The following EFR3A variants were observed in gnomAD, a reference collection of about 807,000 sequenced individuals.
EFR3A encodes the protein protein EFR3 homolog A.
Under a neutral mutation model 104.4 loss-of-function variants are expected in EFR3A, and 76 were observed. The observed-to-expected ratio is 0.73, with a 90% CI of 0.60 to 0.88. The LOEUF is 0.88. Among genes scored for constraint, EFR3A ranks in the 40% least tolerant of loss-of-function variants. The pLI is 0.00. For missense variants in EFR3A, 985 were observed against 1,012.5 expected, an observed-to-expected ratio of 0.97 and a Z score of 0.37; for synonymous variants, 330 against 330.0, an observed-to-expected ratio of 1.00 and a Z score of 0.00.
chr8:131,931,997 C>G (rs537858055), intron 1 of EFR3A, among the ~76,000 whole-genome samples: 1 of 152,104 alleles, frequency 6.6e-6, no homozygotes, highest in African/African-American at 2.4e-5. Context: ...AATGATAGCA[C>G]CCCCCAGCCA....
intron 5 of EFR3A, among the ~76,000 whole-genome samples, chr8:131,953,523 C>A (rs990240863): frequency 6.6e-6 from 1 of 151,996 alleles, no homozygotes; most frequent in Admixed American, 6.6e-5. Context: ...TTTAAGAAAA[C>A]CTATGCTGTT....
chr8:131,916,253 A>G (rs555310837), intron 1 of EFR3A, among the ~76,000 whole-genome samples: 22 of 152,308 alleles, frequency 1.4e-4, no homozygotes, highest in African/African-American at 5.3e-4. Flanking sequence ...ACAGTAGTCT[A>G]ATTGGTGGGC....
intron 1 of EFR3A, among the ~76,000 whole-genome samples, chr8:131,937,054 A>G (rs1165339924): frequency 6.6e-6 from 1 of 152,096 alleles, no homozygotes; most frequent in Non-Finnish European, 1.5e-5. Context: ...CCCACACCAG[A>G]AGCTATCCTT....
chr8:131,950,963 A>G (rs1818671541), intron 5 of EFR3A, among the ~76,000 whole-genome samples: 1 of 152,212 alleles, frequency 6.6e-6, no homozygotes, highest in Non-Finnish European at 1.5e-5. Flanking sequence ...TTTAGGAAAT[A>G]TAGAAAGTAA....
intron 1 of EFR3A, chr8:131,924,060 C>A: frequency 2.5e-6 from 1 of 404,666 alleles, no homozygotes; most frequent in Non-Finnish European, 5.0e-6. Flanking sequence ...CTGTATCTTG[C>A]TAAGACCTGC....
chr8:131,948,403 G>A (rs1354107381), intron 4 of EFR3A, among the ~76,000 whole-genome samples: 3 of 152,080 alleles, frequency 2.0e-5, no homozygotes, highest in Non-Finnish European at 4.4e-5. Context: ...AAGAGTGCAT[G>A]GCACTGTTAG....
intron 1 of EFR3A, among the ~76,000 whole-genome samples, chr8:131,923,760 A>T (rs1285330928): frequency 6.6e-6 from 1 of 152,048 alleles, no homozygotes; most frequent in Non-Finnish European, 1.5e-5. Context: ...CCCCTGCTTA[A>T]CCTTATTTGC....
chr8:131,933,258 T>G, intron 1 of EFR3A, among the ~76,000 whole-genome samples: 1 of 152,148 alleles, frequency 6.6e-6, no homozygotes, highest in East Asian at 1.9e-4. Context: ...GCCAAGACTC[T>G]TCCCCCTGAG....
chr8:131,944,768 G>A lies in EFR3A; in HGVS notation c.111G>A (p.Met37Ile), dbSNP rs1446011924. The change falls in exon 3 of 23, where the codon ATG (methionine) becomes ATA (isoleucine). Residue 37 changes from methionine to isoleucine, a missense_variant. Coordinates refer to ENST00000254624, the MANE Select transcript of EFR3A (RefSeq NM_015137.6). ...DPKDGLVKTD[M>I]EKLTFYAVSA... ...AGGATGGCCTTGTGAAAACTGATAT[G>A]GAGAAATTGACATTTTATGCAGTAT... 6.2e-7 allele frequency: 1 copy of A among 1,600,502 alleles called. No homozygotes were observed. The highest frequency in any genetic ancestry group is 8.5e-7 in the Non-Finnish European group (1 of 1,173,778).
intron 1 of EFR3A, among the ~76,000 whole-genome samples, chr8:131,927,688 A>G (rs1034561663): frequency 2.0e-5 from 3 of 152,186 alleles, no homozygotes; most frequent in Admixed American, 1.3e-4. Flanking sequence ...GTGTGTGCCA[A>G]TCAGTTACCA....
intron 5 of EFR3A, among the ~76,000 whole-genome samples, chr8:131,952,609 AC>A (rs1818765537): frequency 6.6e-6 from 1 of 152,096 alleles, no homozygotes. Flanking sequence ...TAAAGCAGGC[AC>A]CTTGTGTAGG....
chr8:132,007,228 A>G (rs1468165233), intron 22 of EFR3A, among the ~76,000 whole-genome samples: 1 of 151,948 alleles, frequency 6.6e-6, no homozygotes, highest in African/African-American at 2.4e-5. Context: ...TGTATGTGGA[A>G]AATCGTAAGT....
intron 14 of EFR3A, among the ~76,000 whole-genome samples, chr8:131,982,174 T>C (rs1413798844): frequency 1.3e-5 from 2 of 151,924 alleles, no homozygotes. Flanking sequence ...CTCTTTCAAA[T>C]TTTTTTTACA....
intron 10 of EFR3A, among the ~76,000 whole-genome samples, chr8:131,975,730 T>A (rs1168077230): frequency 2.0e-5 from 3 of 152,116 alleles, no homozygotes; most frequent in African/African-American, 7.2e-5. Flanking sequence ...TTTTTCCTTT[T>A]TCTAAAACTC....
intron 19 of EFR3A, among the ~76,000 whole-genome samples, chr8:131,999,950 T>C (rs1821706013): frequency 6.6e-6 from 1 of 152,018 alleles, no homozygotes; most frequent in Non-Finnish European, 1.5e-5. Flanking sequence ...TAATCCACAG[T>C]TGATGGAATG....
At chr8:132,009,911 A>G (rs1040074617) in intron 22 of EFR3A, among the ~76,000 whole-genome samples, 2 of 152,054 alleles carry the variant, frequency 1.3e-5, no homozygotes, top group African/African-American at 4.8e-5. Context: ...GAATTGGAGG[A>G]AAGCATCTGT....
At chr8:131,948,675 A>G (rs1296225985) in intron 4 of EFR3A, among the ~76,000 whole-genome samples, 2 of 152,124 alleles carry the variant, frequency 1.3e-5, no homozygotes, top group African/African-American at 4.8e-5. Flanking sequence ...TCACCCAGCA[A>G]TGCCATTAGA....
chr8:132,010,894 G>T lies in EFR3A; in HGVS notation c.2465G>T (p.Ter822LeuextTer9). 1 of 1,596,114 alleles carries T rather than the reference G, an allele frequency of 6.3e-7. No individual in the cohort carries two copies. The change falls in exon 23 of 23, where the codon TGA (stop) becomes TTA (leucine). Residue 822 changes from the stop codon to leucine (L), a stop_lost. Transcript: ENST00000254624. Reference sequence around the variant, plus strand: ...AAGTTTCCAGATCTGTGTGTGTACTGATCGGCGCATGAAGACCTCAGGATA... The same window carrying T: ...AAGTTTCCAGATCTGTGTGTGTACTTATCGGCGCATGAAGACCTCAGGATA... Reference protein sequence around the residue: ...EMKFPDLCVY* With the variant: ...EMKFPDLCVYL
intron 22 of EFR3A, among the ~76,000 whole-genome samples, chr8:132,006,321 A>G (rs1405517133): frequency 3.9e-5 from 6 of 152,140 alleles, no homozygotes; most frequent in Admixed American, 3.9e-4. Flanking sequence ...ACCTCTGGTC[A>G]GTGTTAAGGA....
Sources: gnomAD v4.1 joint callset for allele counts (sites outside exome capture counted in the v4.1 genomes callset) on GRCh38, gnomAD v4.1.1 for gene constraint, MANE v1.5 for transcripts, NCBI Gene and HGNC (gene_info 2026-07-23, HGNC 2026-07-21) for gene names.